The following KCTD8 variants were observed in gnomAD, a reference collection of about 807,000 sequenced individuals.
The protein encoded by KCTD8 is potassium channel tetramerization domain containing 8.
In KCTD8, 27 loss-of-function variants were observed where a neutral mutation model predicts 31.5. That is an observed-to-expected ratio of 0.86 (90% CI 0.63 to 1.18). The LOEUF (loss-of-function observed/expected upper bound fraction) is 1.18. Among genes scored for constraint, KCTD8 ranks in the 50% most tolerant of loss-of-function variants. KCTD8 has a pLI of 0.00. For synonymous variants in KCTD8, 290 were observed against 280.0 expected, an observed-to-expected ratio of 1.04 and a Z score of -0.36; for missense variants, 658 against 647.7, an observed-to-expected ratio of 1.02 and a Z score of -0.17.
intron 1 of KCTD8, among the ~76,000 whole-genome samples, chr4:44,391,734 A>C (rs1490552871): frequency 1.3e-5 from 2 of 151,850 alleles, no homozygotes; most frequent in Non-Finnish European, 2.9e-5. Flanking sequence ...TTTTGACTGC[A>C]TGGGGATTGG....
chr4:44,357,299 A>T (rs1205772983), intron 1 of KCTD8, among the ~76,000 whole-genome samples: 1 of 152,172 alleles, frequency 6.6e-6, no homozygotes, highest in Non-Finnish European at 1.5e-5. Context: ...TTTCTTTGCG[A>T]GGCTGCCTTT....
chr4:44,360,361 C>T (rs574987703), intron 1 of KCTD8, among the ~76,000 whole-genome samples: 4 of 152,114 alleles, frequency 2.6e-5, no homozygotes, highest in East Asian at 1.9e-4. Context: ...ATATGATTTG[C>T]TTTCCATCAG....
rs148088997 is a variant in KCTD8 at position 44,438,559 on chromosome 4, A to C, written c.961+9004T>G. On this transcript the variant is annotated intron_variant, in intron 1 of 1. Transcript: ENST00000360029. The stretch of plus-strand genomic sequence containing the variant: ...TGGACCTGGAAGAGTACATTTTTCC[A>C]CCTAATCAATGAAAAACCAACCAGA... 2.1e-3 allele frequency among the ~76,000 whole-genome samples: 320 copies of C among 152,268 alleles called. 2 individuals are homozygous for C. The highest frequency in any genetic ancestry group is 7.0e-3 in the African/African-American group (292 of 41,554).
chr4:44,435,380 C>A (rs1292624635), intron 1 of KCTD8, among the ~76,000 whole-genome samples: 2 of 152,046 alleles, frequency 1.3e-5, no homozygotes, highest in African/African-American at 4.8e-5. Context: ...CTCTTTATCA[C>A]AACTACAATT....
chr4:44,248,971 CCT>C (rs1442965143), intron 1 of KCTD8, among the ~76,000 whole-genome samples: 2 of 151,764 alleles, frequency 1.3e-5, no homozygotes, highest in Non-Finnish European at 2.9e-5. Context: ...AATTCACTAT[CCT>C]CTCTCATTTT....
In KCTD8 at chr4:44,394,990, G is replaced by C. The variant is rs559257859; in HGVS notation, c.961+52573C>G. On this transcript the variant is annotated intron_variant, in intron 1 of 1. Transcript: ENST00000360029. ...CTCAAGATAGCTGCTCAGGTTTCAG[G>C]CATGATAGTTGTGTTTACAGCAAGG... Among the ~76,000 whole-genome samples the C allele has an allele frequency of 3.4e-4, 51 of 152,118 alleles. 1 individual carries two copies. The South Asian group carries it at 0.01, about 30-fold the overall frequency.
In KCTD8 at chr4:44,373,084, G is replaced by T. The variant is rs1183306561; in HGVS notation, c.961+74479C>A. Among the ~76,000 whole-genome samples the T allele has an allele frequency of 2.6e-5, 4 of 152,098 alleles. No individual in the cohort carries two copies. In the East Asian group the frequency reaches 7.7e-4, roughly 29 times the overall value. ...AGATCCTCAAAAAAGGTCAATAGAGGCCGGGCGCAGTGGCTCACACCTGTA... is the reference window on the plus strand; with the variant it reads ...AGATCCTCAAAAAAGGTCAATAGAGTCCGGGCGCAGTGGCTCACACCTGTA... On this transcript the variant is annotated intron_variant, in intron 1 of 1. Coordinates refer to ENST00000360029, the MANE Select transcript of KCTD8 (RefSeq NM_198353.3).
intron 1 of KCTD8, among the ~76,000 whole-genome samples, chr4:44,207,440 C>T (rs1714347631): frequency 6.6e-6 from 1 of 152,106 alleles, no homozygotes. Context: ...TCATTTCTCC[C>T]TTTACCCCAT....
chr4:44,189,708 C>A (rs1256488793), intron 1 of KCTD8, among the ~76,000 whole-genome samples: 4 of 152,102 alleles, frequency 2.6e-5, no homozygotes, highest in African/African-American at 7.2e-5. Flanking sequence ...CACACATTTC[C>A]AGAACCTGAT....
At chr4:44,308,562 T>A (rs1412038407) in intron 1 of KCTD8, among the ~76,000 whole-genome samples, 2 of 148,598 alleles carry the variant, frequency 1.3e-5, no homozygotes, top group Non-Finnish European at 3.0e-5. Context: ...ATTGTCTGTA[T>A]TTGTTTGTTA....
chr4:44,182,770 C>A (rs1162236541), intron 1 of KCTD8, among the ~76,000 whole-genome samples: 1 of 151,900 alleles, frequency 6.6e-6, no homozygotes, highest in African/African-American at 2.4e-5. Flanking sequence ...CAAGAAACAC[C>A]CAAGAATGAT....
chr4:44,376,783 G>T (rs905838629), intron 1 of KCTD8, among the ~76,000 whole-genome samples: 1 of 152,156 alleles, frequency 6.6e-6, no homozygotes, highest in Admixed American at 6.6e-5. Flanking sequence ...GGAAGTCAAA[G>T]ATCACTTTTG....
intron 1 of KCTD8, among the ~76,000 whole-genome samples, chr4:44,392,742 G>C (rs34766712): frequency 0.22 from 33,808 of 151,810 alleles, 4,478 homozygotes; most frequent in South Asian, 0.29. Context: ...CCTCTAGGTT[G>C]AATAAGGAGA....
At chr4:44,254,026 G>A (rs1715922313) in intron 1 of KCTD8, among the ~76,000 whole-genome samples, 1 of 151,692 alleles carries the variant, frequency 6.6e-6, no homozygotes, top group Non-Finnish European at 1.5e-5. Context: ...TATATGTGGT[G>A]GAAAATGTGG....
chr4:44,219,926 T>C (rs1275846349), intron 1 of KCTD8, among the ~76,000 whole-genome samples: 2 of 152,196 alleles, frequency 1.3e-5, no homozygotes, highest in African/African-American at 2.4e-5. Flanking sequence ...CTTCAGGCAA[T>C]ACTAACGTAT....
At chr4:44,216,843 C>A (rs535687165) in intron 1 of KCTD8, among the ~76,000 whole-genome samples, 1 of 152,256 alleles carries the variant, frequency 6.6e-6, no homozygotes, top group African/African-American at 2.4e-5. Flanking sequence ...GCGCATGAGA[C>A]AGACGGCATA....
chr4:44,279,716 T>G (rs1288568197), intron 1 of KCTD8, among the ~76,000 whole-genome samples: 1 of 152,188 alleles, frequency 6.6e-6, no homozygotes, highest in Non-Finnish European at 1.5e-5. Flanking sequence ...TAAACACATA[T>G]GCAGGGTGCA....
intron 1 of KCTD8, among the ~76,000 whole-genome samples, chr4:44,193,101 T>C (rs1183684687): frequency 6.6e-6 from 1 of 152,172 alleles, no homozygotes; most frequent in East Asian, 1.9e-4. Context: ...ACACCACTAG[T>C]TGAAAAAGAT....
chr4:44,202,401 A>G (rs1246138963), intron 1 of KCTD8, among the ~76,000 whole-genome samples: 2 of 152,188 alleles, frequency 1.3e-5, no homozygotes, highest in Non-Finnish European at 2.9e-5. Context: ...ACGGTGGATT[A>G]GATTTAAATA....
Sources: allele counts gnomAD v4.1 joint callset (sites outside exome capture counted in the v4.1 genomes callset), GRCh38; gene constraint gnomAD v4.1.1; transcripts MANE v1.5; gene names NCBI Gene and HGNC (gene_info 2026-07-23, HGNC 2026-07-21).